The following MMP24 variants were observed in gnomAD, a reference collection of about 807,000 sequenced individuals.
MMP24 encodes the protein matrix metalloproteinase-24.
MMP24 carries 25 observed loss-of-function variants against 62.8 expected under a neutral mutation model. The ratio of observed to expected loss-of-function variants is 0.40; its 90% confidence interval spans 0.29 to 0.56. The LOEUF is 0.56. MMP24 is among the 20% of genes least tolerant of loss of function. The pLI, the probability that MMP24 is intolerant of heterozygous loss-of-function variation, is 0.50. For missense variants in MMP24, 634 were observed against 853.6 expected, an observed-to-expected ratio of 0.74 and a Z score of 3.21; for synonymous variants, 319 against 350.5, an observed-to-expected ratio of 0.91 and a Z score of 1.00.
chr20:35,255,349 A>C (rs2060569621), intron 4 of MMP24, among the ~76,000 whole-genome samples: 2 of 152,086 alleles, frequency 1.3e-5, no homozygotes, highest in South Asian at 4.1e-4. Flanking sequence ...AAAAAAGTTA[A>C]AAGGCATTAA....
chr20:35,266,966 G>A (rs1439042095), intron 5 of MMP24, among the ~76,000 whole-genome samples: 1 of 152,042 alleles, frequency 6.6e-6, no homozygotes, highest in Middle Eastern at 3.2e-3. Context: ...GGACATGATT[G>A]CTCTGTAACA....
chr20:35,268,922 G>C (rs2060651755), intron 6 of MMP24, among the ~76,000 whole-genome samples: 1 of 152,078 alleles, frequency 6.6e-6, no homozygotes, highest in Non-Finnish European at 1.5e-5. Flanking sequence ...AGCTACTCAG[G>C]AGGCTGAGGC....
chr20:35,267,312 C>G lies in MMP24; in HGVS notation c.1087C>G (p.Arg363Gly). 2.5e-6 allele frequency: 4 copies of G among 1,595,674 alleles called. No homozygotes were observed. Among genetic ancestry groups the G allele is most frequent in the Non-Finnish European group, 3.4e-6 (4 of 1,171,874 alleles). ...ACACGAGCGCCAGCCCAGGCCCCCT[C>G]GGCCGCCCCTCGGGGACCGGCCATC... ...RKHERQPRPP[R>G]PPLGDRPSTP... Residue 363 changes from arginine to glycine, a missense_variant, in exon 6 of 9, where the codon CGG (arginine) becomes GGG (glycine). Physicochemically the swap from Arg to Gly is moderately radical, Grantham distance 125. This residue lies in a region of MMP24 where 399 missense variants were observed against 530.8 expected (regional missense o/e 0.75). Transcript: ENST00000246186.
At chr20:35,251,822 G>A in intron 2 of MMP24, 83 bp from the exon 3 acceptor site, 2 of 1,119,496 alleles carry the variant, frequency 1.8e-6, no homozygotes, top group Non-Finnish European at 2.7e-6. Context: ...TTCCAGACTG[G>A]AGCTGGGGAA....
intron 3 of MMP24, 44 bp from the exon 4 acceptor site, chr20:35,254,406 C>G (rs1451075553): frequency 1.3e-6 from 2 of 1,540,722 alleles, no homozygotes; most frequent in African/African-American, 2.7e-5. Flanking sequence ...CTGCTAGTCT[C>G]TGACTCTCTG....
At chr20:35,260,190 C>A (rs964787244) in intron 4 of MMP24, among the ~76,000 whole-genome samples, 4 of 152,190 alleles carry the variant, frequency 2.6e-5, no homozygotes, top group African/African-American at 9.7e-5. Context: ...CTCAGGGAGT[C>A]CTCCTGCCCC....
chr20:35,238,162 AG>A (rs755610155), intron 1 of MMP24, among the ~76,000 whole-genome samples: 30 of 152,228 alleles, frequency 2.0e-4, no homozygotes, highest in Non-Finnish European at 2.6e-4. Flanking sequence ...CAGAGAGCAG[AG>A]GCTGGCTACT....
chr20:35,254,538 C>T lies in MMP24; in HGVS notation c.601C>T (p.Leu201=), dbSNP rs770302097. ...AFDVWQKVTP[L]TFEEVPYHEI... Reference sequence around the variant, plus strand: ...CGATGTGTGGCAGAAGGTGACCCCACTGACCTTTGAAGAGGTGCCATACCA... The same window carrying T: ...CGATGTGTGGCAGAAGGTGACCCCATTGACCTTTGAAGAGGTGCCATACCA... Residue 201 remains leucine (L), a synonymous_variant, in exon 4 of 9, where the codon CTG becomes TTG. Transcript: ENST00000246186. 5 of 1,613,924 alleles carry T rather than the reference C, an allele frequency of 3.1e-6. No homozygotes were observed. Among genetic ancestry groups the T allele is most frequent in the Admixed American group, 3.3e-5 (2 of 60,000 alleles).
Position 35,269,698 on chromosome 20 carries a change from A to G in MMP24, c.1195-62A>G. The G allele has an allele frequency of 6.5e-7, 1 of 1,539,346 alleles. No homozygotes were observed. The highest frequency in any genetic ancestry group is 8.8e-7 in the Non-Finnish European group (1 of 1,140,500). Reference sequence around the variant, plus strand: ...GTTGGGACCTAAGCCCCACAGCTGCAATCACTGGGTTCGGAGGCAGGGCCT... The same window carrying G: ...GTTGGGACCTAAGCCCCACAGCTGCGATCACTGGGTTCGGAGGCAGGGCCT... On this transcript the variant is annotated intron_variant, in intron 6 of 8. Coordinates refer to ENST00000246186, the MANE Select transcript of MMP24 (RefSeq NM_006690.4). The surrounding 1 kb of genome is among the most constrained non-coding windows in gnomAD (Gnocchi z 4.6).
intron 1 of MMP24, among the ~76,000 whole-genome samples, chr20:35,235,677 G>A (rs968451127): frequency 6.6e-6 from 1 of 152,130 alleles, no homozygotes; most frequent in Non-Finnish European, 1.5e-5. Flanking sequence ...CAGCCTGGGT[G>A]ACAAGAGCAA....
At position 35,270,967 on chromosome 20, in the gene MMP24, G is replaced by T. The variant is rs183007169; in HGVS notation, c.1334-602G>T. Among the ~76,000 whole-genome samples the T allele has an allele frequency of 2.7e-3, 409 of 152,312 alleles. 5 individuals are homozygous for T. Among genetic ancestry groups the T allele is most frequent in the Admixed American group, 4.6e-3 (70 of 15,294 alleles). ...AGGCAGGAGAATCGCTTGAACCCAG[G>T]AAGTGGAGGTTGTGGTGAGCTGAGA... On this transcript the variant is annotated intron_variant, in intron 7 of 8. Transcript: ENST00000246186.
chr20:35,244,282 G>T lies in MMP24; in HGVS notation c.247-2558G>T, dbSNP rs78624980. Among the ~76,000 whole-genome samples, 5 of 152,228 alleles carry T rather than the reference G, an allele frequency of 3.3e-5. No individual in the cohort carries two copies. In the East Asian group the frequency reaches 9.6e-4, roughly 29 times the overall value. The stretch of plus-strand genomic sequence containing the variant: ...TAATCCTCTGAGGATGGGAAACAGG[G>T]TTATCTAGATTCGAGCCCAGCATGT... On this transcript the variant is annotated intron_variant, in intron 1 of 8. Transcript: ENST00000246186.
Position 35,267,294 on chromosome 20 carries a change from C to A in MMP24, c.1069C>A (p.Arg357Ser). The A allele has an allele frequency of 6.2e-7, 1 of 1,603,104 alleles. No individual in the cohort carries two copies. Among genetic ancestry groups the A allele is most frequent in the East Asian group, 2.3e-5 (1 of 44,172 alleles). The stretch of plus-strand genomic sequence containing the variant: ...CTCACCATCGGAGAGGAAACACGAG[C>A]GCCAGCCCAGGCCCCCTCGGCCGCC... ...IHSPSERKHE[R>S]QPRPPRPPLG... is the part of the protein sequence containing the mutation. Residue 357 changes from arginine (R) to serine (S), a missense_variant, in exon 6 of 9, where the codon CGC becomes AGC. Arg to Ser is a moderately radical substitution (Grantham distance 110, BLOSUM62 -1). Around this residue, in one of 3 missense-constraint regions of MMP24, gnomAD observed 399 missense variants for 530.8 expected, o/e 0.75. Transcript: ENST00000246186.
rs2060707304 is a variant in MMP24 at position 35,276,471 on chromosome 20, T to G, written c.*1862T>G. 5.0e-6 allele frequency: 2 copies of G among 396,116 alleles called. No homozygotes were observed. Among genetic ancestry groups the G allele is most frequent in the Admixed American group, 8.8e-5 (2 of 22,624 alleles). 24.5% of individuals were successfully genotyped at this position (396,116 alleles called of 1,614,324 possible). On this transcript the variant is annotated 3_prime_UTR_variant, in exon 9 of 9. Coordinates refer to ENST00000246186, the MANE Select transcript of MMP24 (RefSeq NM_006690.4). ...GCCCTCAGATGAAGCACAGAGAGGT[T>G]GTTACTTGCCCGGGCCATCCAGTGG...
chr20:35,242,868 G>C (rs1333376630), intron 1 of MMP24, among the ~76,000 whole-genome samples: 1 of 152,062 alleles, frequency 6.6e-6, no homozygotes, highest in South Asian at 2.1e-4. Flanking sequence ...GGGCAGGATG[G>C]CTAGATTTCA....
chr20:35,238,547 A>G (rs1306010678), intron 1 of MMP24, among the ~76,000 whole-genome samples: 1 of 152,190 alleles, frequency 6.6e-6, no homozygotes, highest in Non-Finnish European at 1.5e-5. Context: ...AACACAGAGC[A>G]CTAGGTGGGG....
At chr20:35,267,074 T>C in intron 5 of MMP24, 131 bp from the exon 6 acceptor site, 1 of 708,066 alleles carries the variant, frequency 1.4e-6, no homozygotes, top group Non-Finnish European at 2.3e-6. Context: ...CTGGGGGAGT[T>C]AAACTGGGGA....
rs752956611 is a variant in MMP24 at position 35,274,427 on chromosome 20, G to C, written c.1756G>C (p.Asp586His). ...GAAGGAGCGGCGGCTGCCCCAGGAC[G>C]ACGTGGACATCATGGTGACCATCAA... is the stretch of plus-strand genomic sequence containing the variant. Reference protein sequence around the residue: ...RRKERRLPQDDVDIMVTINDV... With the variant: ...RRKERRLPQDHVDIMVTINDV... The change falls in exon 9 of 9, where the codon GAC (aspartate) becomes CAC (histidine). Residue 586 changes from aspartate to histidine, a missense_variant. By Grantham distance (81) the Asp-to-His change is moderately conservative. Transcript: ENST00000246186. This position sits in a 1 kb window ranked among gnomAD's most constrained non-coding sequence, Gnocchi z 5.1. 1 of 1,613,844 alleles carries C rather than the reference G, an allele frequency of 6.2e-7. No individual in the cohort carries two copies. The highest frequency in any genetic ancestry group is 1.3e-5 in the African/African-American group (1 of 74,934).
chr20:35,227,082 C>T (rs2060417114), intron 1 of MMP24, 98 bp downstream of exon 1: 2 of 935,028 alleles, frequency 2.1e-6, no homozygotes, highest in African/African-American at 3.6e-5. Context: ...GCACCTACTG[C>T]CGAGGTCGCG....
Sources: gnomAD v4.1 joint callset for allele counts (sites outside exome capture counted in the v4.1 genomes callset) on GRCh38, gnomAD v4.1.1 for gene constraint, gnomAD v4.1.1 regional missense constraint, Gnocchi (gnomAD v3.1) non-coding constraint, MANE v1.5 for transcripts, NCBI Gene and HGNC (gene_info 2026-07-23, HGNC 2026-07-21) for gene names.